NXPE4: variants seen among roughly 807,000 people sequenced by gnomAD.
NXPE4 encodes NXPE family member 4.
NXPE4 carries 42 observed loss-of-function variants against 33.3 expected under a neutral mutation model. The observed-to-expected ratio is 1.26, with a 90% CI of 0.98 to 1.63. The LOEUF is 1.63. Among genes scored for constraint, NXPE4 ranks in the 40% most tolerant of loss-of-function variants. NXPE4 has a pLI of 0.00. For missense variants in NXPE4, 709 were observed against 647.6 expected (o/e 1.09, Z -1.03); for synonymous variants, 253 against 234.9 (o/e 1.08, Z -0.71).
At chr11:114,599,347 C>A (rs1236092635), upstream of NXPE4, among the ~76,000 whole-genome samples, 1 of 152,164 alleles carries the variant, frequency 6.6e-6, no homozygotes, top group Non-Finnish European at 1.5e-5. Context: ...TTGGTGGCAA[C>A]AATTTAACAA....
the NXPE4 span, among the ~76,000 whole-genome samples, chr11:114,633,077 A>G: frequency 2.6e-5 from 3 of 116,726 alleles, no homozygotes; most frequent in Non-Finnish European, 4.8e-5. Flanking sequence ...GTTTTTTATA[A>G]TTTATCTTTT....
At chr11:114,574,560 T>C (rs1167439838) in intron 5 of NXPE4, among the ~76,000 whole-genome samples, 1 of 152,098 alleles carries the variant, frequency 6.6e-6, no homozygotes, top group Non-Finnish European at 1.5e-5. Flanking sequence ...TATTCAAGGC[T>C]ACTGTGAACA....
In NXPE4 at chr11:114,580,173, G is replaced by C; in HGVS notation, c.1058C>G (p.Thr353Arg). 1 of 1,613,996 alleles carries C rather than the reference G, an allele frequency of 6.2e-7. No homozygotes were observed. Among genetic ancestry groups the C allele is most frequent in the South Asian group, 1.1e-5 (1 of 91,068 alleles). Residue 353 changes from threonine to arginine, a missense_variant, in exon 5 of 6, where the codon ACG (threonine) becomes AGG (arginine). Physicochemically the swap from Thr to Arg is moderately conservative, Grantham distance 71. Transcript: ENST00000375478. ...GAAGTATTCCATCCACTGGCGGATC[G>C]TGGAATCTCCCATTAGGTATATGAG... ...GKLIYLMGDS[T>R]IRQWMEYFKA... is the part of the protein sequence containing the mutation.
the NXPE4 span, among the ~76,000 whole-genome samples, chr11:114,620,046 G>T: frequency 9.9e-5 from 15 of 150,842 alleles, no homozygotes; most frequent in Non-Finnish European, 1.6e-4. Flanking sequence ...CTACTGCCTC[G>T]TGGGTAACCA....
At chr11:114,607,621 G>T in the NXPE4 span, among the ~76,000 whole-genome samples, 1 of 151,136 alleles carries the variant, frequency 6.6e-6, no homozygotes, top group Non-Finnish European at 1.5e-5. Flanking sequence ...AGTGTTACCC[G>T]GTGGATAAGT....
chr11:114,612,200 C>T, the NXPE4 span, among the ~76,000 whole-genome samples: 15 of 151,652 alleles, frequency 9.9e-5, no homozygotes, highest in African/African-American at 1.2e-4. Context: ...CACTGTTACA[C>T]GGTGGAGAAT....
the NXPE4 span, among the ~76,000 whole-genome samples, chr11:114,670,000 T>C: frequency 6.9e-4 from 105 of 152,066 alleles, no homozygotes; most frequent in Admixed American, 1.4e-3. Flanking sequence ...AGCAAAACCA[T>C]AAACCAACTA....
At chr11:114,593,397 C>A (rs1949507414) in intron 2 of NXPE4, among the ~76,000 whole-genome samples, 1 of 152,004 alleles carries the variant, frequency 6.6e-6, no homozygotes, top group Admixed American at 6.6e-5. Context: ...AGAAGATATG[C>A]AAATGGCAAA....
At chr11:114,577,649 A>C (rs1270764121) in intron 5 of NXPE4, among the ~76,000 whole-genome samples, 1 of 152,208 alleles carries the variant, frequency 6.6e-6, no homozygotes, top group Non-Finnish European at 1.5e-5. Flanking sequence ...GGGGATGGAA[A>C]GGTAGTGAGG....
At chr11:114,669,253 T>C in the NXPE4 span, among the ~76,000 whole-genome samples, 1 of 152,074 alleles carries the variant, frequency 6.6e-6, no homozygotes, top group African/African-American at 2.4e-5. Context: ...TGAATAAACA[T>C]TTTTTGAAGA....
intron 2 of NXPE4, among the ~76,000 whole-genome samples, chr11:114,590,911 C>T (rs771000241): frequency 6.6e-6 from 1 of 152,188 alleles, no homozygotes; most frequent in Non-Finnish European, 1.5e-5. Flanking sequence ...ATATCAGGCT[C>T]TGCTGTTAGA....
At chr11:114,623,914 T>C in the NXPE4 span, among the ~76,000 whole-genome samples, 2 of 152,102 alleles carry the variant, frequency 1.3e-5, no homozygotes, top group Non-Finnish European at 2.9e-5. Flanking sequence ...TAATCATTGC[T>C]ACCCAGTGGA....
At chr11:114,638,650 T>A in the NXPE4 span, among the ~76,000 whole-genome samples, 1 of 152,108 alleles carries the variant, frequency 6.6e-6, no homozygotes, top group Non-Finnish European at 1.5e-5. Flanking sequence ...TTGGTGTGGA[T>A]GTCCTTTCTG....
chr11:114,582,256 C>T (rs1050840025), intron 3 of NXPE4, 32 bp downstream of exon 3: 2 of 1,529,886 alleles, frequency 1.3e-6, no homozygotes, highest in Non-Finnish European at 1.8e-6. Context: ...ACAATATTTG[C>T]ACAGGTAGTC....
At chr11:114,614,319 A>T in the NXPE4 span, among the ~76,000 whole-genome samples, 1 of 151,452 alleles carries the variant, frequency 6.6e-6, no homozygotes. Context: ...CCTCGTAGGT[A>T]ACCACGGTTA....
chr11:114,650,595 G>A, the NXPE4 span, among the ~76,000 whole-genome samples: 1 of 152,302 alleles, frequency 6.6e-6, no homozygotes, highest in East Asian at 1.9e-4. Flanking sequence ...ACTGCAAAGG[G>A]AGGAGGTGGA....
the NXPE4 span, among the ~76,000 whole-genome samples, chr11:114,625,083 AC>A: frequency 6.6e-6 from 1 of 152,146 alleles, no homozygotes; most frequent in Non-Finnish European, 1.5e-5. Flanking sequence ...GTGGGTAACC[AC>A]CATTACCTGG....
chr11:114,653,268 T>C, the NXPE4 span, among the ~76,000 whole-genome samples: 3 of 152,186 alleles, frequency 2.0e-5, no homozygotes, highest in African/African-American at 7.2e-5. Flanking sequence ...ATTATAAAAA[T>C]GTTCTATAAG....
intron 2 of NXPE4, 123 bp downstream of exon 2, chr11:114,594,541 T>G (rs1487458960): frequency 1.5e-6 from 1 of 674,978 alleles, no homozygotes; most frequent in Non-Finnish European, 2.6e-6. Context: ...TGTTGTTTGG[T>G]ATCTAGCTAT....
Sources: gnomAD v4.1 joint callset for allele counts (sites outside exome capture counted in the v4.1 genomes callset) on GRCh38, gnomAD v4.1.1 for gene constraint, MANE v1.5 for transcripts, NCBI Gene and HGNC (gene_info 2026-07-23, HGNC 2026-07-21) for gene names.